Variants in COL23A1 observed in about 807,000 individuals in gnomAD.
COL23A1 encodes the protein collagen alpha-1(XXIII) chain.
COL23A1 carries 97 observed loss-of-function variants against 99.3 expected under a neutral mutation model. That is an observed-to-expected ratio of 0.98 (90% CI 0.83 to 1.16). The LOEUF is 1.16. Among genes scored for constraint, COL23A1 ranks in the 50% most tolerant of loss-of-function variants. The pLI, the probability that COL23A1 is intolerant of heterozygous loss-of-function variation, is 0.00. For synonymous variants in COL23A1, 320 were observed against 308.2 expected (o/e 1.04, Z -0.40); for missense variants, 762 against 757.4 (o/e 1.01, Z -0.07).
chr5:178,547,789 C>A (rs1355954071), intron 2 of COL23A1, among the ~76,000 whole-genome samples: 1 of 20,998 alleles, frequency 4.8e-5, no homozygotes. Context: ...CACACACCCC[C>A]CACACACACT....
intron 2 of COL23A1, among the ~76,000 whole-genome samples, chr5:178,541,784 C>A (rs1452593933): frequency 6.6e-6 from 1 of 152,184 alleles, no homozygotes; most frequent in African/African-American, 2.4e-5. Context: ...CAACTGCATG[C>A]AGCAACATAG....
intron 2 of COL23A1, among the ~76,000 whole-genome samples, chr5:178,475,337 A>T (rs574246984): frequency 1.3e-5 from 2 of 152,226 alleles, no homozygotes; most frequent in South Asian, 4.1e-4. Flanking sequence ...TGGCATGTCC[A>T]GGAGGGCCTC....
At chr5:178,555,842 G>A (rs1241208322) in intron 2 of COL23A1, among the ~76,000 whole-genome samples, 1 of 152,112 alleles carries the variant, frequency 6.6e-6, no homozygotes, top group Non-Finnish European at 1.5e-5. Context: ...GGACCATAGG[G>A]CAGCTCCCAG....
intron 1 of COL23A1, among the ~76,000 whole-genome samples, chr5:178,579,136 C>G (rs1763535936): frequency 6.6e-6 from 1 of 152,104 alleles, no homozygotes; most frequent in Admixed American, 6.6e-5. Flanking sequence ...ATGGCAGAAT[C>G]CCGGTGTTAA....
At chr5:178,469,469 G>A (rs1253937611) in intron 2 of COL23A1, among the ~76,000 whole-genome samples, 2 of 152,074 alleles carry the variant, frequency 1.3e-5, no homozygotes, top group African/African-American at 4.8e-5. Context: ...CACACATGCT[G>A]AAGGCTGAAA....
chr5:178,308,079 GTGTT>G lies in COL23A1; in HGVS notation c.362-1164_362-1161del, dbSNP rs1758464014. Among the ~76,000 whole-genome samples the G allele has an allele frequency of 6.6e-6, 1 of 151,478 alleles. No homozygotes were observed. The highest frequency in any genetic ancestry group is 2.5e-5 in the African/African-American group (1 of 40,804). ...TGTGTTTGTGTGCATGTGTGTGTCT[GTGTT>G]TTTGTGTCTGTGTTTCTGTGTGTGT... On this transcript the variant is annotated intron_variant, in intron 2 of 28. Transcript: ENST00000390654. This position sits in a 1 kb window ranked among gnomAD's most constrained non-coding sequence, Gnocchi z 5.1.
At chr5:178,406,163 TAGAAGGTATAGTGGAGA>T (rs1456010081) in intron 2 of COL23A1, among the ~76,000 whole-genome samples, 4 of 151,952 alleles carry the variant, frequency 2.6e-5, no homozygotes, top group Non-Finnish European at 5.9e-5. Context: ...AATAACCAGT[TAGAAGGTATAGTGGAGA>T]AGTGTCCCAT....
At chr5:178,297,766 A>T (rs1265266537) in intron 3 of COL23A1, among the ~76,000 whole-genome samples, 2 of 88,968 alleles carry the variant, frequency 2.2e-5, no homozygotes, top group East Asian at 4.3e-4. Flanking sequence ...GGAGCTGGGT[A>T]GGCACAAGCA....
At chr5:178,360,953 G>T (rs1163845396) in intron 2 of COL23A1, among the ~76,000 whole-genome samples, 3 of 152,166 alleles carry the variant, frequency 2.0e-5, no homozygotes, top group African/African-American at 7.2e-5. Context: ...AACAGAAGAC[G>T]TTTTTGACAT....
At chr5:178,360,768 C>T (rs1581229295) in intron 2 of COL23A1, among the ~76,000 whole-genome samples, 1 of 152,278 alleles carries the variant, frequency 6.6e-6, no homozygotes, top group Admixed American at 6.5e-5. Flanking sequence ...GCAGGTGCAC[C>T]GGCTGCTGCT....
At chr5:178,459,886 G>A (rs1267727585) in intron 2 of COL23A1, among the ~76,000 whole-genome samples, 2 of 152,122 alleles carry the variant, frequency 1.3e-5, no homozygotes, top group Non-Finnish European at 2.9e-5. Flanking sequence ...AACTAATAGA[G>A]AGTGTTCTGT....
At position 178,262,103 on chromosome 5, in the gene COL23A1, C is replaced by T. The variant is rs1028063935; in HGVS notation, c.675+114G>A. The T allele has an allele frequency of 1.3e-4, 154 of 1,156,074 alleles. No homozygotes were observed. In the African/African-American group the frequency reaches 2.4e-3, roughly 18 times the overall value. The allele number at this position is 1,156,074 out of a possible 1,614,324, so 71.6% of individuals were successfully genotyped here. A position where few individuals can be genotyped will look rare whatever the true frequency, so the allele number is the denominator to read the frequency against. On this transcript the variant is annotated intron_variant, in intron 10 of 28. Coordinates refer to ENST00000390654, the MANE Select transcript of COL23A1 (RefSeq NM_173465.4). ...ACACGTACATGCAGAGGCGCGCGCA[C>T]ACACATAAACATGTGCGCGTGACCC...
intron 27 of COL23A1, among the ~76,000 whole-genome samples, chr5:178,240,985 C>T (rs529857822): frequency 6.6e-6 from 1 of 152,298 alleles, no homozygotes; most frequent in Admixed American, 6.5e-5. Flanking sequence ...TCACACCTGT[C>T]GTCCCAGCAC....
chr5:178,244,758 T>C (rs1231880034), intron 25 of COL23A1, among the ~76,000 whole-genome samples: 1 of 152,256 alleles, frequency 6.6e-6, no homozygotes, highest in Non-Finnish European at 1.5e-5. Context: ...CAGTTTAAAC[T>C]ATGTTTTCTA....
chr5:178,461,388 GC>G (rs1252149308), intron 2 of COL23A1, among the ~76,000 whole-genome samples: 1 of 152,230 alleles, frequency 6.6e-6, no homozygotes, highest in African/African-American at 2.4e-5. Flanking sequence ...CAAGGGACCT[GC>G]CATCCCCAGT....
intron 22 of COL23A1, among the ~76,000 whole-genome samples, chr5:178,247,046 G>A (rs965466267): frequency 1.3e-5 from 2 of 152,120 alleles, no homozygotes; most frequent in Non-Finnish European, 2.9e-5. Flanking sequence ...CCCTGGGGCA[G>A]GGCATGCAGG....
At chr5:178,399,956 G>A (rs1175123749) in intron 2 of COL23A1, among the ~76,000 whole-genome samples, 1 of 152,206 alleles carries the variant, frequency 6.6e-6, no homozygotes. Flanking sequence ...AGGGTTCCTG[G>A]CACTGTGCTG....
chr5:178,302,645 C>T (rs1003252127), intron 3 of COL23A1, among the ~76,000 whole-genome samples: 1 of 152,228 alleles, frequency 6.6e-6, no homozygotes, highest in Admixed American at 6.5e-5. Context: ...CTTCCAGATA[C>T]CCTAGAATAA....
At chr5:178,300,614 A>G (rs1046103692) in intron 3 of COL23A1, among the ~76,000 whole-genome samples, 1 of 151,396 alleles carries the variant, frequency 6.6e-6, no homozygotes, top group Non-Finnish European at 1.5e-5. Context: ...CAGTGGCATG[A>G]TCTTGGCTCA....
Sources: gnomAD v4.1 joint callset for allele counts (sites outside exome capture counted in the v4.1 genomes callset) on GRCh38, gnomAD v4.1.1 for gene constraint, Gnocchi (gnomAD v3.1) non-coding constraint, MANE v1.5 for transcripts, NCBI Gene and HGNC (gene_info 2026-07-23, HGNC 2026-07-21) for gene names.